Variants in ADH1B observed in about 807,000 individuals in gnomAD.
ADH1B encodes the protein all-trans-retinol dehydrogenase [NAD(+)] ADH1B.
ADH1B carries 29 observed loss-of-function variants against 34.6 expected under a neutral mutation model. The observed-to-expected ratio is 0.84, with a 90% CI of 0.62 to 1.14. The LOEUF is 1.14. Ranked by LOEUF, ADH1B falls within the 50% of genes most tolerant of loss-of-function variation. ADH1B has a pLI of 0.00. For missense variants in ADH1B, 424 were observed against 468.4 expected, an observed-to-expected ratio of 0.91 and a Z score of 0.87; for synonymous variants, 170 against 175.5, an observed-to-expected ratio of 0.97 and a Z score of 0.25.
chr4:99,321,105 C>G (rs962652420), intron 1 of ADH1B, among the ~76,000 whole-genome samples: 1 of 152,220 alleles, frequency 6.6e-6, no homozygotes, highest in East Asian at 1.9e-4. Flanking sequence ...GACACAGGTT[C>G]TATACATTCC....
At chr4:99,319,966 G>A (rs1306516398) in intron 1 of ADH1B, 1 of 152,078 alleles carries the variant, frequency 6.6e-6, no homozygotes, top group Non-Finnish European at 1.5e-5. Flanking sequence ...CTTATTATGA[G>A]GTGCTTATGA....
rs1733631213 is a variant in ADH1B, at chr4:99,307,259, G to T, written c.*581C>A. 6.5e-6 allele frequency: 1 copy of T among 152,912 alleles called. No individual in the cohort carries two copies. The highest frequency in any genetic ancestry group is 2.1e-4 in the South Asian group (1 of 4,878). 9.5% of individuals were successfully genotyped at this position (152,912 alleles called of 1,614,324 possible). A position where few individuals can be genotyped will look rare whatever the true frequency, so the allele number is the denominator to read the frequency against. ...ACACTGCCATTTACTGTAGTAAAAT[G>T]TGGGGCATTTTATTTGAGTTCCTAA... On this transcript the variant is annotated 3_prime_UTR_variant, in exon 9 of 9. Coordinates refer to ENST00000305046, the MANE Select transcript of ADH1B (RefSeq NM_000668.6).
chr4:99,316,196 GAGAGC>G lies in ADH1B; in HGVS notation c.347+14_347+18del. ...TGTGCAAACTCAAAGTCTGTGCAAA[GAGAGC>G]ATCAGAAACCTACTCATTTTTCAAG... is the stretch of plus-strand genomic sequence containing the variant. On this transcript the variant is annotated intron_variant, in intron 4 of 8. Coordinates refer to ENST00000305046, the MANE Select transcript of ADH1B (RefSeq NM_000668.6). 1 of 1,614,092 alleles carries G rather than the reference GAGAGC, an allele frequency of 6.2e-7. No individual in the cohort carries two copies. The highest frequency in any genetic ancestry group is 1.1e-5 in the South Asian group (1 of 91,078).
rs551035498 is a variant in ADH1B at position 99,313,795 on chromosome 4, A to G, written c.828+26T>C. On this transcript the variant is annotated intron_variant, in intron 6 of 8. Transcript: ENST00000305046. ...CATCTTCCAGGTTGCAGAGGCAGAA[A>G]TCTCAGGGCATGTCATGGTACATAC... 4.3e-6 allele frequency: 7 copies of G among 1,614,016 alleles called. No individual in the cohort carries two copies. The African/African-American group carries it at 9.3e-5, about 22-fold the overall frequency.
rs1339240722 is a variant in ADH1B, at chr4:99,316,312, A to G, written c.260-10T>C. On this transcript the variant is annotated splice_polypyrimidine_tract_variant and intron_variant, in intron 3 of 8. Coordinates refer to ENST00000305046, the MANE Select transcript of ADH1B (RefSeq NM_000668.6). ...GGGATGACTTTATCACCTGGAGAGG[A>G]ATAAAACAAGTTCTTCTTAAATTTC... 6.2e-6 allele frequency: 10 copies of G among 1,609,892 alleles called. No homozygotes were observed. The highest frequency in any genetic ancestry group is 2.7e-5 in the African/African-American group (2 of 74,660).
chr4:99,318,900 C>G lies in ADH1B; in HGVS notation c.19-14G>C. 1 of 1,608,502 alleles carries G rather than the reference C, an allele frequency of 6.2e-7. No homozygotes were observed. The highest frequency in any genetic ancestry group is 8.5e-7 in the Non-Finnish European group (1 of 1,174,978). ...GCATTTGATTACCTAGAAAATCAAA[C>G]AGAGAGATGGTGACAGTGTTTTCCC... On this transcript the variant is annotated splice_polypyrimidine_tract_variant and intron_variant, in intron 1 of 8. Coordinates refer to ENST00000305046, the MANE Select transcript of ADH1B (RefSeq NM_000668.6).
Position 99,305,312 on chromosome 4 carries a change from CA to C in ADH1B, c.*2527del, listed in dbSNP as rs982797587. The C allele has an allele frequency of 2.0e-5, 3 of 147,184 alleles. No individual in the cohort carries two copies. Among genetic ancestry groups the C allele is most frequent in the African/African-American group, 7.5e-5 (3 of 40,020 alleles). The allele number at this position is 147,184 out of a possible 1,614,324, so 9.1% of individuals were successfully genotyped here. ...TGATATTATTGAAGTCACCCCCCCC[CA>C]CTTTATTTGTTTTCATATATCATGA... On this transcript the variant is annotated 3_prime_UTR_variant, in exon 9 of 9. Coordinates refer to ENST00000305046, the MANE Select transcript of ADH1B (RefSeq NM_000668.6).
intron 6 of ADH1B, 39 bp from the exon 7 acceptor site, chr4:99,311,695 T>C: frequency 6.2e-7 from 1 of 1,609,114 alleles, no homozygotes. Context: ...TAACGTGGAG[T>C]CGCATAGTTC....
chr4:99,316,286 CG>C lies in ADH1B; in HGVS notation c.275del (p.Pro92ArgfsTer22). On this transcript the variant is annotated frameshift_variant, in exon 4 of 9. Coordinates refer to ENST00000305046, the MANE Select transcript of ADH1B (RefSeq NM_000668.6). LOFTEE classifies it high-confidence loss of function. Reference sequence around the variant, plus strand: ...ATTTTCCACACTGAGGAGTAAAGAGCGGGATGACTTTATCACCTGGAGAGGA... The same window carrying C: ...ATTTTCCACACTGAGGAGTAAAGAGCGGATGACTTTATCACCTGGAGAGGA... ...TTVKPGDKVI[P>X]LFTPQCGKCR... 1 of 1,614,024 alleles carries C rather than the reference CG, an allele frequency of 6.2e-7. No individual in the cohort carries two copies. The highest frequency in any genetic ancestry group is 8.5e-7 in the Non-Finnish European group (1 of 1,179,974).
intron 1 of ADH1B, chr4:99,320,782 T>C: frequency 3.5e-6 from 4 of 1,131,600 alleles, no homozygotes; most frequent in Non-Finnish European, 4.4e-6. Context: ...CATGTTGATG[T>C]CTTGCTTAAC....
rs1734023003 is a variant in ADH1B at position 99,321,363 on chromosome 4, CTG to C, written c.-34_-33del. ...TCTGTCTTCTCTGCCCACCAGCAGA[CTG>C]TGAGTCTTTGTGGATTTCTTCTCTG... is the stretch of plus-strand genomic sequence containing the variant. On this transcript the variant is annotated 5_prime_UTR_variant, in exon 1 of 9. Transcript: ENST00000305046. The C allele has an allele frequency of 8.7e-6, 14 of 1,609,416 alleles. No individual in the cohort carries two copies. Among genetic ancestry groups the C allele is most frequent in the African/African-American group, 4.0e-5 (3 of 74,824 alleles).
rs1179803161 is a variant in ADH1B at position 99,316,093 on chromosome 4, C to T, written c.372G>A (p.Leu124=). The T allele has an allele frequency of 1.2e-6, 2 of 1,614,170 alleles. No individual in the cohort carries two copies. Among genetic ancestry groups the T allele is most frequent in the South Asian group, 1.1e-5 (1 of 91,080 alleles). The change falls in exon 5 of 9, where the codon CTG becomes CTA. Residue 124 remains leucine (L), a synonymous_variant. Coordinates refer to ENST00000305046, the MANE Select transcript of ADH1B (RefSeq NM_000668.6). ...AGGTGAACCTCCTGGTGCCATCCTG[C>T]AGGGTCCCCCGAGGATTGCCTAGAC... ...KNDLGNPRGT[L]QDGTRRFTCR...
At chr4:99,315,854 A>G in intron 5 of ADH1B, 44 bp downstream of exon 5, 1 of 1,608,810 alleles carries the variant, frequency 6.2e-7, no homozygotes, top group Non-Finnish European at 8.5e-7. Flanking sequence ...TTGGTTTCCG[A>G]CAGTCTGCAT....
rs116218531 is a variant in ADH1B, at chr4:99,320,023, T to C, written c.19-1137A>G. The C allele has an allele frequency of 2.7e-3, 418 of 152,302 alleles. 2 individuals carry two copies. Among genetic ancestry groups the C allele is most frequent in the African/African-American group, 9.7e-3 (403 of 41,580 alleles). The allele number at this position is 152,302 out of a possible 1,614,324, so 9.4% of individuals were successfully genotyped here. A position where few individuals can be genotyped will look rare whatever the true frequency, so the allele number is the denominator to read the frequency against. ...TGTGCTGGGTAAATTACATGCATTA[T>C]TTTTATCTTAAAATTTATTCATTGA... On this transcript the variant is annotated intron_variant, in intron 1 of 8. Transcript: ENST00000305046.
In ADH1B at chr4:99,307,788, T is replaced by C. The variant is rs17033; in HGVS notation, c.*52A>G. The C allele has an allele frequency of 0.093, 148,447 of 1,596,822 alleles. 9,301 individuals are homozygous for C. The highest frequency in any genetic ancestry group is 0.32 in the Admixed American group (19,036 of 59,790). On this transcript the variant is annotated 3_prime_UTR_variant, in exon 9 of 9. Coordinates refer to ENST00000305046, the MANE Select transcript of ADH1B (RefSeq NM_000668.6). Reference sequence around the variant, plus strand: ...ATTTCCTAGCTGTTGCTCCAGATCTTGTAGGGTAGAGGAGGCTGAAGACTG... The same window carrying C: ...ATTTCCTAGCTGTTGCTCCAGATCTCGTAGGGTAGAGGAGGCTGAAGACTG...
At chr4:99,314,236 T>C in intron 5 of ADH1B, 155 bp from the exon 6 acceptor site, 1 of 1,268,678 alleles carries the variant, frequency 7.9e-7, no homozygotes. Context: ...GTTGCTTTAT[T>C]TTTAAATTCA....
intron 5 of ADH1B, 166 bp from the exon 6 acceptor site, chr4:99,314,247 A>T: frequency 8.5e-7 from 1 of 1,175,092 alleles, no homozygotes; most frequent in South Asian, 1.6e-5. Context: ...TTTAAATTCA[A>T]GGGGATGAAC....
Position 99,307,719 on chromosome 4 carries a change from T to G in ADH1B, c.*121A>C. 2.6e-6 allele frequency: 3 copies of G among 1,151,010 alleles called. No homozygotes were observed. The highest frequency in any genetic ancestry group is 3.8e-6 in the Non-Finnish European group (3 of 789,548). 71.3% of individuals were successfully genotyped at this position (1,151,010 alleles called of 1,614,324 possible). On this transcript the variant is annotated 3_prime_UTR_variant, in exon 9 of 9. Coordinates refer to ENST00000305046, the MANE Select transcript of ADH1B (RefSeq NM_000668.6). ...TTTCCATTTCTTTGGAAAGCCCCCA[T>G]GTGTAATTTATTGATAACATCTCTG... is the stretch of plus-strand genomic sequence containing the variant.
At chr4:99,317,919 C>T in intron 3 of ADH1B, 127 bp downstream of exon 3, 1 of 1,488,500 alleles carries the variant, frequency 6.7e-7, no homozygotes, top group African/African-American at 1.4e-5. Flanking sequence ...AGAGGAAACT[C>T]CTGAAGTCCT....
Sources: gnomAD v4.1 joint callset for allele counts (sites outside exome capture counted in the v4.1 genomes callset) on GRCh38, gnomAD v4.1.1 for gene constraint, MANE v1.5 for transcripts, NCBI Gene and HGNC (gene_info 2026-07-23, HGNC 2026-07-21) for gene names.